CSMD1: variants seen among roughly 807,000 people sequenced by gnomAD.
The protein encoded by CSMD1 is CUB and sushi domain-containing protein 1.
CSMD1 carries 213 observed loss-of-function variants against 417.5 expected under a neutral mutation model. The ratio of observed to expected loss-of-function variants is 0.51; its 90% CI spans 0.46 to 0.57. The LOEUF (loss-of-function observed/expected upper bound fraction) is 0.57, where lower values mean the gene tolerates loss of function less well. Among genes scored for constraint, CSMD1 ranks in the 20% least tolerant of loss-of-function variants. The pLI, the probability that CSMD1 is intolerant of heterozygous loss-of-function variation, is 0.00. For missense variants in CSMD1, 6,923 were observed against 4,529.7 expected, an observed-to-expected ratio of 1.53 and a Z score of -15.17; for synonymous variants, 2,862 against 1,736.8, an observed-to-expected ratio of 1.65 and a Z score of -16.11.
intron 5 of CSMD1, among the ~76,000 whole-genome samples, chr8:3,823,329 C>A (rs1420326779): frequency 3.9e-5 from 6 of 152,128 alleles, no homozygotes. Flanking sequence ...GCATGTGTAA[C>A]AGGGACCCAG....
intron 54 of CSMD1, among the ~76,000 whole-genome samples, chr8:2,985,605 T>A (rs369447141): frequency 3.9e-5 from 6 of 152,182 alleles, no homozygotes; most frequent in Middle Eastern, 3.2e-3. Flanking sequence ...TTAAAAAAAA[T>A]ATTCAATGAA....
chr8:4,068,909 A>G (rs1018808329), intron 3 of CSMD1, among the ~76,000 whole-genome samples: 1 of 152,230 alleles, frequency 6.6e-6, no homozygotes, highest in African/African-American at 2.4e-5. Flanking sequence ...ATAATAACCA[A>G]ATAATAATTA....
chr8:3,702,878 G>T (rs1372624530), intron 7 of CSMD1, among the ~76,000 whole-genome samples: 1 of 152,132 alleles, frequency 6.6e-6, no homozygotes, highest in Admixed American at 6.5e-5. Flanking sequence ...CTTTGGTATT[G>T]AAATAATCTA....
chr8:4,076,210 T>A (rs955587824), intron 3 of CSMD1, among the ~76,000 whole-genome samples: 1 of 152,140 alleles, frequency 6.6e-6, no homozygotes, highest in Non-Finnish European at 1.5e-5. Flanking sequence ...TCTAATGGTT[T>A]TAGAAGGGGC....
At chr8:3,912,719 T>C (rs912905159) in intron 5 of CSMD1, among the ~76,000 whole-genome samples, 2 of 152,092 alleles carry the variant, frequency 1.3e-5, no homozygotes, top group African/African-American at 4.8e-5. Flanking sequence ...TGGGATGAAA[T>C]GTCCAAGATG....
At chr8:2,973,461 T>C (rs1358551378) in intron 56 of CSMD1, among the ~76,000 whole-genome samples, 162 bp from the exon 57 acceptor site, 1 of 152,222 alleles carries the variant, frequency 6.6e-6, no homozygotes, top group Non-Finnish European at 1.5e-5. Flanking sequence ...TTCTTTGTGA[T>C]AGCCCCAAAA....
At chr8:3,358,755 A>G (rs969612434) in intron 21 of CSMD1, among the ~76,000 whole-genome samples, 1 of 152,154 alleles carries the variant, frequency 6.6e-6, no homozygotes, top group Non-Finnish European at 1.5e-5. Context: ...TCGTTATACC[A>G]AGGGACACGT....
intron 23 of CSMD1, among the ~76,000 whole-genome samples, chr8:3,338,522 G>C (rs1486402714): frequency 6.6e-6 from 1 of 152,174 alleles, no homozygotes; most frequent in African/African-American, 2.4e-5. Context: ...TGGTTGTGGG[G>C]CAGGATGAAG....
chr8:3,316,779 C>G (rs778874101), intron 23 of CSMD1, among the ~76,000 whole-genome samples: 5 of 152,038 alleles, frequency 3.3e-5, no homozygotes, highest in Non-Finnish European at 7.4e-5. Context: ...GGAGTGGAGA[C>G]CAACTCAGCG....
chr8:4,887,621 G>T (rs886172372), intron 1 of CSMD1, among the ~76,000 whole-genome samples: 1 of 151,444 alleles, frequency 6.6e-6, no homozygotes, highest in South Asian at 2.1e-4. Context: ...TATTGGTTTT[G>T]CTTTATTTTC....
rs2720815 is a variant in CSMD1 at position 3,730,856 on chromosome 8, G to C, written c.932-22365C>G. On this transcript the variant is annotated intron_variant, in intron 6 of 69. Transcript: ENST00000635120. ...TGCCAGATATTAGGAAATTATGCTA[G>C]AGGTGATAAGAGAGAGTGCTTTTAG... 4.3e-3 allele frequency among the ~76,000 whole-genome samples: 658 copies of C among 152,262 alleles called. 16 individuals carry two copies. The East Asian group carries it at 0.078, about 18-fold the overall frequency.
At chr8:4,063,339 T>A (rs1456930170) in intron 3 of CSMD1, among the ~76,000 whole-genome samples, 1 of 152,008 alleles carries the variant, frequency 6.6e-6, no homozygotes, top group African/African-American at 2.4e-5. Flanking sequence ...AAAATAAAAA[T>A]TATGTTTAAA....
At chr8:4,299,018 A>T (rs932683151) in intron 3 of CSMD1, among the ~76,000 whole-genome samples, 1 of 152,172 alleles carries the variant, frequency 6.6e-6, no homozygotes, top group African/African-American at 2.4e-5. Context: ...TTGCCATTTA[A>T]AAAGCAGAAT....
chr8:4,133,217 T>A (rs961027021), intron 3 of CSMD1, among the ~76,000 whole-genome samples: 3 of 152,158 alleles, frequency 2.0e-5, no homozygotes, highest in African/African-American at 7.2e-5. Flanking sequence ...ATTACAGACA[T>A]GAGTCACCAT....
intron 3 of CSMD1, among the ~76,000 whole-genome samples, chr8:4,333,995 A>G (rs1800019096): frequency 6.6e-6 from 1 of 152,028 alleles, no homozygotes; most frequent in Admixed American, 6.6e-5. Flanking sequence ...GCCTCAAGCC[A>G]TCCTCCCGCC....
chr8:3,583,064 C>A (rs1366596989), intron 9 of CSMD1, among the ~76,000 whole-genome samples: 1 of 152,126 alleles, frequency 6.6e-6, no homozygotes, highest in Non-Finnish European at 1.5e-5. Context: ...GCAACTCCTG[C>A]CTGTGGACAG....
rs1043190311 is a variant in CSMD1, at chr8:4,022,868, C to T, written c.610+9037G>A. On this transcript the variant is annotated intron_variant, in intron 4 of 69. Coordinates refer to ENST00000635120, the MANE Select transcript of CSMD1 (RefSeq NM_033225.6). ...AGAGTTCATTCGGAGCAAGAATTCACATAGTTAAGAAGCAGAAAATACATG... is the reference window on the plus strand; with the variant it reads ...AGAGTTCATTCGGAGCAAGAATTCATATAGTTAAGAAGCAGAAAATACATG... 5.9e-5 allele frequency among the ~76,000 whole-genome samples: 9 copies of T among 152,124 alleles called. No homozygotes were observed. In the South Asian group the frequency reaches 8.3e-4, roughly 14 times the overall value.
At chr8:3,390,140 A>T (rs1178420981) in intron 17 of CSMD1, among the ~76,000 whole-genome samples, 1 of 151,936 alleles carries the variant, frequency 6.6e-6, no homozygotes, top group Non-Finnish European at 1.5e-5. Flanking sequence ...GGATCACCTG[A>T]TGTCAGGAGT....
At chr8:4,102,018 T>C (rs1398624251) in intron 3 of CSMD1, among the ~76,000 whole-genome samples, 1 of 152,232 alleles carries the variant, frequency 6.6e-6, no homozygotes, top group Non-Finnish European at 1.5e-5. Context: ...GAGGGATTAC[T>C]GTCACAGATA....
Sources: gnomAD v4.1 joint callset for allele counts (sites outside exome capture counted in the v4.1 genomes callset) on GRCh38, gnomAD v4.1.1 for gene constraint, MANE v1.5 for transcripts, NCBI Gene and HGNC (gene_info 2026-07-23, HGNC 2026-07-21) for gene names.